MBD5: variants seen among roughly 807,000 people sequenced by gnomAD.
MBD5 encodes methyl-CpG binding domain protein 5.
A neutral mutation model predicts 117.3 loss-of-function variants in MBD5; 13 were observed. The observed-to-expected ratio is 0.11, with a 90% CI of 0.07 to 0.18. MBD5 has a LOEUF of 0.18. MBD5 is among the 10% of genes least tolerant of loss of function. MBD5 has a pLI of 1.00. For synonymous variants in MBD5, 727 were observed against 766.4 expected, an observed-to-expected ratio of 0.95 and a Z score of 0.85; for missense variants, 1,879 against 2,093.8, an observed-to-expected ratio of 0.90 and a Z score of 2.00.
At chr2:148,228,816 C>T (rs558443269) in intron 2 of MBD5, among the ~76,000 whole-genome samples, 4 of 152,184 alleles carry the variant, frequency 2.6e-5, no homozygotes, top group Non-Finnish European at 5.9e-5. Context: ...AGAGATTCAA[C>T]TTCTTCCTGG....
chr2:148,400,292 G>A (rs1237022724), intron 4 of MBD5, among the ~76,000 whole-genome samples: 2 of 151,948 alleles, frequency 1.3e-5, no homozygotes, highest in Admixed American at 6.6e-5. Context: ...ATAAATTAAA[G>A]TGAAGCTGGT....
chr2:148,069,149 C>A (rs941967453), intron 1 of MBD5, among the ~76,000 whole-genome samples: 1 of 152,110 alleles, frequency 6.6e-6, no homozygotes, highest in African/African-American at 2.4e-5. Flanking sequence ...CCAGTGTTAG[C>A]AAGCATGTTT....
At chr2:148,503,482 T>C (rs1196649401) in intron 12 of MBD5, among the ~76,000 whole-genome samples, 1 of 152,208 alleles carries the variant, frequency 6.6e-6, no homozygotes, top group Non-Finnish European at 1.5e-5. Context: ...GTAATATCTA[T>C]TAAAAAGCAT....
chr2:148,178,549 G>A (rs1351045768), intron 1 of MBD5, among the ~76,000 whole-genome samples, 151 bp from the exon 2 acceptor site: 2 of 152,058 alleles, frequency 1.3e-5, no homozygotes, highest in Non-Finnish European at 2.9e-5. Flanking sequence ...ATTGCTGTTT[G>A]TTTACATAAA....
chr2:148,381,484 G>A (rs907054717), intron 4 of MBD5, among the ~76,000 whole-genome samples: 1 of 152,288 alleles, frequency 6.6e-6, no homozygotes, highest in African/African-American at 2.4e-5. Flanking sequence ...ACGTCTAATT[G>A]GTGTACCTGA....
At chr2:148,220,830 A>G (rs1044276702) in intron 2 of MBD5, among the ~76,000 whole-genome samples, 1 of 152,088 alleles carries the variant, frequency 6.6e-6, no homozygotes, top group Non-Finnish European at 1.5e-5. Context: ...TTAAATTACT[A>G]TCAACTATAG....
chr2:148,156,795 C>T (rs1312954754), intron 1 of MBD5, among the ~76,000 whole-genome samples: 1 of 152,090 alleles, frequency 6.6e-6, no homozygotes, highest in Non-Finnish European at 1.5e-5. Flanking sequence ...ATAACATAAA[C>T]TTATAGGTCA....
intron 3 of MBD5, among the ~76,000 whole-genome samples, chr2:148,320,262 G>C (rs1702252966): frequency 6.6e-6 from 1 of 152,130 alleles, no homozygotes; most frequent in South Asian, 2.1e-4. Context: ...GAATGAGTTA[G>C]ATAGAATTAC....
At chr2:148,029,937 A>G (rs1693993268) in intron 1 of MBD5, among the ~76,000 whole-genome samples, 1 of 152,200 alleles carries the variant, frequency 6.6e-6, no homozygotes, top group Non-Finnish European at 1.5e-5. Flanking sequence ...CTTTTAATTA[A>G]AAAATACTAC....
chr2:148,315,960 A>G (rs533478868), intron 3 of MBD5, among the ~76,000 whole-genome samples: 6 of 152,350 alleles, frequency 3.9e-5, no homozygotes, highest in African/African-American at 1.4e-4. Flanking sequence ...CATAGGCTGT[A>G]CAGGAAGCAT....
chr2:148,505,377 T>C (rs1023699904), intron 12 of MBD5, among the ~76,000 whole-genome samples: 4 of 152,064 alleles, frequency 2.6e-5, no homozygotes, highest in Non-Finnish European at 4.4e-5. Flanking sequence ...TTTGACCAAT[T>C]TGAAGAATAG....
intron 10 of MBD5, among the ~76,000 whole-genome samples, chr2:148,488,663 T>TG (rs34629473): frequency 3.0e-5 from 3 of 101,058 alleles, no homozygotes; most frequent in African/African-American, 1.1e-4. Flanking sequence ...GGGTGGGGGG[T>TG]GGGGGGTAAA....
At chr2:148,035,468 GC>G (rs1202507971) in intron 1 of MBD5, among the ~76,000 whole-genome samples, 5 of 151,892 alleles carry the variant, frequency 3.3e-5, no homozygotes, top group Admixed American at 3.3e-4. Context: ...TCATTTTTGT[GC>G]TGTTCTGCAC....
chr2:148,050,351 A>G (rs1694661537), intron 1 of MBD5, among the ~76,000 whole-genome samples: 1 of 152,074 alleles, frequency 6.6e-6, no homozygotes, highest in East Asian at 1.9e-4. Flanking sequence ...GTTTATTCAA[A>G]TCCTTTTCCA....
chr2:148,058,382 T>C (rs1694930679), intron 1 of MBD5, among the ~76,000 whole-genome samples: 1 of 152,054 alleles, frequency 6.6e-6, no homozygotes, highest in African/African-American at 2.4e-5. Flanking sequence ...ACCTATCTCA[T>C]CGCTTTATAC....
At chr2:148,133,074 A>G (rs900538443) in intron 1 of MBD5, among the ~76,000 whole-genome samples, 1 of 152,192 alleles carries the variant, frequency 6.6e-6, no homozygotes, top group Admixed American at 6.5e-5. Flanking sequence ...GGGGATATTG[A>G]TAGTATTATA....
intron 1 of MBD5, among the ~76,000 whole-genome samples, chr2:148,162,285 A>G (rs1212913109): frequency 6.6e-6 from 1 of 152,098 alleles, no homozygotes; most frequent in Non-Finnish European, 1.5e-5. Flanking sequence ...TTCTGTTATC[A>G]TGTTCCCCAC....
At chr2:148,479,392 A>G (rs1372419683) in intron 8 of MBD5, among the ~76,000 whole-genome samples, 1 of 152,194 alleles carries the variant, frequency 6.6e-6, no homozygotes, top group Non-Finnish European at 1.5e-5. Flanking sequence ...ACATAGCATC[A>G]AACTACCTAC....
intron 1 of MBD5, among the ~76,000 whole-genome samples, chr2:148,080,510 T>C (rs1467643655): frequency 6.6e-6 from 1 of 152,176 alleles, no homozygotes; most frequent in African/African-American, 2.4e-5. Context: ...AAAAAAAATC[T>C]GGCATCCACT....
Sources: allele counts gnomAD v4.1 joint callset (sites outside exome capture counted in the v4.1 genomes callset), GRCh38; gene constraint gnomAD v4.1.1; transcripts MANE v1.5; gene names NCBI Gene and HGNC (gene_info 2026-07-23, HGNC 2026-07-21).